The following RANBP17 variants were observed in gnomAD, a reference collection of about 807,000 sequenced individuals.
RANBP17 encodes RAN binding protein 17, also known as ran-binding protein 17.
A neutral mutation model predicts 141.2 loss-of-function variants in RANBP17; 158 were observed. That is an observed-to-expected ratio of 1.12 (90% confidence interval 0.98 to 1.28). RANBP17 has a LOEUF of 1.28. Ranked by LOEUF, RANBP17 falls within the 50% of genes most tolerant of loss-of-function variation. RANBP17 has a pLI of 0.00. For synonymous variants in RANBP17, 430 were observed against 450.0 expected (o/e 0.96, Z 0.56); for missense variants, 1,438 against 1,290.7 (o/e 1.11, Z -1.75).
intron 13 of RANBP17, among the ~76,000 whole-genome samples, chr5:170,959,006 G>A (rs1775940749): frequency 6.6e-6 from 1 of 152,012 alleles, no homozygotes; most frequent in Non-Finnish European, 1.5e-5. Flanking sequence ...TCAGACCTTG[G>A]CGATGACCTT....
At chr5:171,073,001 C>T (rs953559212) in intron 14 of RANBP17, among the ~76,000 whole-genome samples, 2 of 151,424 alleles carry the variant, frequency 1.3e-5, no homozygotes, top group Admixed American at 6.6e-5. Flanking sequence ...CATGACATAC[C>T]GGAAAAGGCA....
At position 171,090,228 on chromosome 5, in the gene RANBP17, A is replaced by T. The variant is rs184106893; in HGVS notation, c.1711-79902A>T. 9.4e-4 allele frequency among the ~76,000 whole-genome samples: 143 copies of T among 152,274 alleles called. 2 individuals carry two copies. Among genetic ancestry groups the T allele is most frequent in the African/African-American group, 3.4e-3 (141 of 41,548 alleles). ...GATATGGACAGTGAAATCCAGGCTGAGGTGGTCTCAGATGGAGATGAGGAA... is the reference window on the plus strand; with the variant it reads ...GATATGGACAGTGAAATCCAGGCTGTGGTGGTCTCAGATGGAGATGAGGAA... On this transcript the variant is annotated intron_variant, in intron 14 of 27. Coordinates refer to ENST00000523189, the MANE Select transcript of RANBP17 (RefSeq NM_022897.5).
At chr5:171,133,893 A>G (rs919379032) in intron 14 of RANBP17, among the ~76,000 whole-genome samples, 3 of 152,190 alleles carry the variant, frequency 2.0e-5, no homozygotes, top group Admixed American at 1.3e-4. Flanking sequence ...TATTTAAGAG[A>G]AAGGTCTTTT....
chr5:170,997,317 C>T (rs1158963890), intron 14 of RANBP17, among the ~76,000 whole-genome samples: 4 of 152,160 alleles, frequency 2.6e-5, no homozygotes, highest in African/African-American at 4.8e-5. Context: ...GACTAATACA[C>T]GGAGTGGAGG....
At chr5:170,939,404 A>AT (rs1774148692) in intron 12 of RANBP17, among the ~76,000 whole-genome samples, 1 of 145,560 alleles carries the variant, frequency 6.9e-6, no homozygotes, top group African/African-American at 2.6e-5. Flanking sequence ...TATTTATTTA[A>AT]GATGCAGTCT....
At position 171,128,183 on chromosome 5, in the gene RANBP17, A is replaced by G. The variant is rs142362200; in HGVS notation, c.1711-41947A>G. The stretch of plus-strand genomic sequence containing the variant: ...AAAAAAAAAGAATATCAGTATATCA[A>G]AGAGACATCTGTACATTCATGTTTA... On this transcript the variant is annotated intron_variant, in intron 14 of 27. Transcript: ENST00000523189. Among the ~76,000 whole-genome samples, 285 of 152,322 alleles carry G rather than the reference A, an allele frequency of 1.9e-3. 1 individual carries two copies. Among genetic ancestry groups the G allele is most frequent in the African/African-American group, 6.1e-3 (252 of 41,576 alleles).
rs537150852 is a variant in RANBP17 at position 171,280,861 on chromosome 5, C to A, written c.2944-13022C>A. 2.6e-5 allele frequency among the ~76,000 whole-genome samples: 4 copies of A among 152,316 alleles called. No individual in the cohort carries two copies. The East Asian group carries it at 7.7e-4, about 29-fold the overall frequency. ...TCCTCCTTTCTAAGTTTTTAAATTG[C>A]AAATTCTCCATATTTGTTGGGACTT... On this transcript the variant is annotated intron_variant, in intron 25 of 27. Transcript: ENST00000523189.
At chr5:171,161,029 T>A (rs955945893) in intron 14 of RANBP17, among the ~76,000 whole-genome samples, 3 of 152,162 alleles carry the variant, frequency 2.0e-5, no homozygotes, top group Non-Finnish European at 4.4e-5. Flanking sequence ...GGAACTCAGG[T>A]GATCCACCCA....
At chr5:171,167,350 G>T (rs925226587) in intron 14 of RANBP17, among the ~76,000 whole-genome samples, 3 of 152,006 alleles carry the variant, frequency 2.0e-5, no homozygotes, top group African/African-American at 7.2e-5. Flanking sequence ...TCTGAGTTTT[G>T]CCATAAAAAA....
At chr5:171,229,054 G>T (rs1483158075) in intron 22 of RANBP17, among the ~76,000 whole-genome samples, 1 of 152,152 alleles carries the variant, frequency 6.6e-6, no homozygotes, top group Non-Finnish European at 1.5e-5. Context: ...ATGTATAAAT[G>T]ATTACAAGAA....
At chr5:171,102,022 A>C (rs1429922552) in intron 14 of RANBP17, among the ~76,000 whole-genome samples, 5 of 152,196 alleles carry the variant, frequency 3.3e-5, no homozygotes, top group African/African-American at 9.6e-5. Context: ...TCTGCCCTTA[A>C]CATTTTTTCC....
intron 14 of RANBP17, among the ~76,000 whole-genome samples, chr5:171,083,471 G>A (rs1423265079): frequency 6.6e-6 from 1 of 152,154 alleles, no homozygotes; most frequent in East Asian, 1.9e-4. Context: ...TTGTTTCTAA[G>A]CCACCTGGTC....
chr5:171,233,167 G>A (rs975963884), intron 22 of RANBP17, among the ~76,000 whole-genome samples: 3 of 152,112 alleles, frequency 2.0e-5, no homozygotes, highest in Admixed American at 6.5e-5. Context: ...GTGAGACCCC[G>A]TCTCTATAAA....
At chr5:170,882,581 A>G (rs764571867) in intron 3 of RANBP17, among the ~76,000 whole-genome samples, 6 of 152,092 alleles carry the variant, frequency 3.9e-5, no homozygotes, top group East Asian at 1.9e-4. Flanking sequence ...ATTCAAAGCT[A>G]CTCTACCTGT....
At chr5:171,020,595 C>CTT (rs944721268) in intron 14 of RANBP17, among the ~76,000 whole-genome samples, 1 of 145,578 alleles carries the variant, frequency 6.9e-6, no homozygotes, top group Non-Finnish European at 1.5e-5. Context: ...GTAACCCCTG[C>CTT]TTTTTTTTTT....
chr5:170,968,211 A>C, intron 13 of RANBP17, 31 bp from the exon 14 acceptor site: 2 of 1,489,030 alleles, frequency 1.3e-6, no homozygotes, highest in Non-Finnish European at 1.8e-6. Flanking sequence ...TTTTGTACTG[A>C]AGGTTTTTTT....
intron 14 of RANBP17, among the ~76,000 whole-genome samples, chr5:171,000,137 A>G (rs1779100809): frequency 6.6e-6 from 1 of 152,146 alleles, no homozygotes; most frequent in South Asian, 2.1e-4. Flanking sequence ...TTATCCATTC[A>G]TTCATCAGTA....
Position 170,910,790 on chromosome 5 carries a change from A to G in RANBP17, c.595-179A>G, listed in dbSNP as rs530790818. Reference sequence around the variant, plus strand: ...TTAGCTGAATGTGATTCTTTTATGCATGAAGTTAACCCAGTTTTTCTTGAA... The same window carrying G: ...TTAGCTGAATGTGATTCTTTTATGCGTGAAGTTAACCCAGTTTTTCTTGAA... On this transcript the variant is annotated intron_variant, in intron 6 of 27. Transcript: ENST00000523189. 72 of 572,174 alleles carry G rather than the reference A, an allele frequency of 1.3e-4. 1 individual carries two copies. Among genetic ancestry groups the G allele is most frequent in the Non-Finnish European group, 2.1e-4 (69 of 326,246 alleles). The allele number at this position is 572,174 out of a possible 1,614,324, so 35.4% of individuals were successfully genotyped here.
chr5:171,187,026 C>T (rs1761304119), intron 18 of RANBP17, among the ~76,000 whole-genome samples: 1 of 152,088 alleles, frequency 6.6e-6, no homozygotes, highest in African/African-American at 2.4e-5. Context: ...TCATTTCCAG[C>T]TTTTGATTTA....
Sources: allele counts gnomAD v4.1 joint callset (sites outside exome capture counted in the v4.1 genomes callset), GRCh38; gene constraint gnomAD v4.1.1; transcripts MANE v1.5; gene names NCBI Gene and HGNC (gene_info 2026-07-23, HGNC 2026-07-21).